Variants in CNTN5 observed in about 807,000 individuals in gnomAD.
CNTN5 encodes contactin 5.
CNTN5 carries 77 observed loss-of-function variants against 129.1 expected under a neutral mutation model. The ratio of observed to expected loss-of-function variants is 0.60; its 90% CI spans 0.50 to 0.72. CNTN5 has a LOEUF of 0.72. Ranked by LOEUF, CNTN5 falls within the 30% of genes least tolerant of loss-of-function variation. CNTN5 has a pLI of 0.00. For missense variants in CNTN5, 1,478 were observed against 1,328.8 expected (o/e 1.11, Z -1.75); for synonymous variants, 509 against 465.6 (o/e 1.09, Z -1.20).
intron 13 of CNTN5, among the ~76,000 whole-genome samples, chr11:100,079,489 C>CCCT (rs1407752772): frequency 6.6e-6 from 1 of 152,146 alleles, no homozygotes; most frequent in African/African-American, 2.4e-5. Flanking sequence ...AATCTCATCT[C>CCCT]CCTTACCTAT....
intron 1 of CNTN5, among the ~76,000 whole-genome samples, chr11:99,151,985 G>A (rs563379705): frequency 6.6e-5 from 10 of 152,148 alleles, no homozygotes; most frequent in African/African-American, 9.6e-5. Flanking sequence ...AAACCTGCAT[G>A]TTCTGTACTT....
intron 2 of CNTN5, among the ~76,000 whole-genome samples, chr11:99,459,160 G>A (rs1214391160): frequency 1.3e-5 from 2 of 151,942 alleles, no homozygotes; most frequent in Non-Finnish European, 1.5e-5. Context: ...CTTTTAGCAG[G>A]TGCTTGGGGT....
chr11:99,562,998 C>T (rs1388531097), intron 3 of CNTN5, among the ~76,000 whole-genome samples: 1 of 152,070 alleles, frequency 6.6e-6, no homozygotes, highest in Non-Finnish European at 1.5e-5. Context: ...CACTCAACAA[C>T]TATGGATGTA....
At chr11:99,485,505 A>G (rs920593755) in intron 2 of CNTN5, among the ~76,000 whole-genome samples, 7 of 152,092 alleles carry the variant, frequency 4.6e-5, no homozygotes, top group African/African-American at 9.7e-5. Context: ...GGATGTTGAC[A>G]ATACAGAAGG....
At chr11:99,202,472 C>A (rs1415655478) in intron 1 of CNTN5, among the ~76,000 whole-genome samples, 2 of 152,104 alleles carry the variant, frequency 1.3e-5, no homozygotes, top group South Asian at 2.1e-4. Context: ...ATTTTGGATT[C>A]TTTGCTACCA....
intron 2 of CNTN5, among the ~76,000 whole-genome samples, chr11:99,389,881 C>T (rs1269038905): frequency 2.0e-5 from 3 of 152,080 alleles, no homozygotes; most frequent in African/African-American, 7.2e-5. Flanking sequence ...CCAGAATTGG[C>T]CTTTCCTTTA....
chr11:99,342,296 G>A (rs1055186781), intron 2 of CNTN5, among the ~76,000 whole-genome samples: 2 of 151,906 alleles, frequency 1.3e-5, no homozygotes, highest in African/African-American at 4.8e-5. Context: ...AACTGTGTGA[G>A]GAGAGGGATA....
chr11:99,250,691 A>G (rs960616150), intron 1 of CNTN5, among the ~76,000 whole-genome samples: 2 of 151,898 alleles, frequency 1.3e-5, no homozygotes, highest in African/African-American at 4.8e-5. Context: ...ATGTTTCCAT[A>G]GATGACTGAT....
At chr11:99,551,115 A>G (rs536157586) in intron 2 of CNTN5, among the ~76,000 whole-genome samples, 3 of 152,320 alleles carry the variant, frequency 2.0e-5, no homozygotes, top group Non-Finnish European at 4.4e-5. Context: ...AAAGTTGTAT[A>G]TGATGCAACA....
At chr11:99,925,570 A>T (rs1360463771) in intron 7 of CNTN5, among the ~76,000 whole-genome samples, 1 of 152,116 alleles carries the variant, frequency 6.6e-6, no homozygotes, top group Non-Finnish European at 1.5e-5. Context: ...GCAACCCCTC[A>T]TTCCCCTTGG....
intron 1 of CNTN5, among the ~76,000 whole-genome samples, chr11:99,056,184 C>T (rs1180610940): frequency 1.3e-5 from 2 of 151,606 alleles, no homozygotes; most frequent in Non-Finnish European, 2.9e-5. Context: ...CACTGGTAAG[C>T]CATGTAGTAT....
intron 1 of CNTN5, among the ~76,000 whole-genome samples, chr11:99,061,006 C>A (rs921597732): frequency 6.6e-6 from 1 of 152,112 alleles, no homozygotes. Flanking sequence ...GGATTTCCCT[C>A]CTTCCACAAT....
chr11:99,195,059 C>T (rs1447762162), intron 1 of CNTN5, among the ~76,000 whole-genome samples: 3 of 151,948 alleles, frequency 2.0e-5, no homozygotes, highest in Admixed American at 1.3e-4. Flanking sequence ...GAAAACAAAA[C>T]CTTAAAAACA....
chr11:100,108,275 C>T (rs1320240324), intron 13 of CNTN5, among the ~76,000 whole-genome samples: 1 of 151,962 alleles, frequency 6.6e-6, no homozygotes, highest in African/African-American at 2.4e-5. Context: ...CAAAAGAATG[C>T]ATAAAATACA....
intron 2 of CNTN5, among the ~76,000 whole-genome samples, chr11:99,424,005 G>T (rs1943011007): frequency 6.6e-6 from 1 of 152,048 alleles, no homozygotes; most frequent in African/African-American, 2.4e-5. Flanking sequence ...ACCCCATTAG[G>T]TGTCTGAAAC....
At chr11:99,521,924 C>T (rs191016237) in intron 2 of CNTN5, among the ~76,000 whole-genome samples, 1 of 152,302 alleles carries the variant, frequency 6.6e-6, no homozygotes, top group Non-Finnish European at 1.5e-5. Context: ...AATGTAAGAA[C>T]ATTTGCAATC....
chr11:99,043,793 G>T (rs1173934057), intron 1 of CNTN5, among the ~76,000 whole-genome samples: 1 of 152,090 alleles, frequency 6.6e-6, no homozygotes, highest in Non-Finnish European at 1.5e-5. Flanking sequence ...GATATTAGAC[G>T]GCATTAACTA....
intron 3 of CNTN5, among the ~76,000 whole-genome samples, chr11:99,625,919 TATATACACACACAC>T (rs1382552157): frequency 3.3e-5 from 2 of 61,016 alleles, no homozygotes; most frequent in African/African-American, 6.7e-5. Flanking sequence ...TATATATATA[TATATACACACACAC>T]ACACACACAC....
At chr11:99,866,955 A>G (rs145114323) in intron 6 of CNTN5, among the ~76,000 whole-genome samples, 1 of 152,206 alleles carries the variant, frequency 6.6e-6, no homozygotes, top group South Asian at 2.1e-4. Context: ...AATTGTATAG[A>G]TAGTTGGAGG....
Sources: allele counts gnomAD v4.1 joint callset (sites outside exome capture counted in the v4.1 genomes callset), GRCh38; gene constraint gnomAD v4.1.1; transcripts MANE v1.5; gene names NCBI Gene and HGNC (gene_info 2026-07-23, HGNC 2026-07-21).